The following SLC16A10 variants were observed in gnomAD, a reference collection of about 807,000 sequenced individuals.
SLC16A10 encodes the protein solute carrier family 16 member 10.
Under a neutral mutation model 40.0 loss-of-function variants are expected in SLC16A10, and 27 were observed. The observed-to-expected ratio is 0.67, with a 90% confidence interval of 0.50 to 0.93. The LOEUF (loss-of-function observed/expected upper bound fraction) is 0.93, where lower values mean the gene tolerates loss of function less well. Ranked by LOEUF, SLC16A10 falls within the 40% of genes least tolerant of loss-of-function variation. The pLI is 0.00. For synonymous variants in SLC16A10, 213 were observed against 249.8 expected, an observed-to-expected ratio of 0.85 and a Z score of 1.39; for missense variants, 529 against 658.2, an observed-to-expected ratio of 0.80 and a Z score of 2.15.
At chr6:111,129,590 A>C (rs1771744842) in intron 1 of SLC16A10, among the ~76,000 whole-genome samples, 1 of 152,224 alleles carries the variant, frequency 6.6e-6, no homozygotes, top group Non-Finnish European at 1.5e-5. Flanking sequence ...GTTTAACTCA[A>C]AGTGGTTTTT....
At chr6:111,210,900 G>A (rs1773335998) in intron 4 of SLC16A10, among the ~76,000 whole-genome samples, 1 of 152,072 alleles carries the variant, frequency 6.6e-6, no homozygotes, top group Non-Finnish European at 1.5e-5. Flanking sequence ...GCACGCGTCT[G>A]TAGTCCCAGC....
chr6:111,144,291 C>T (rs1259830898), intron 1 of SLC16A10, among the ~76,000 whole-genome samples: 2 of 152,188 alleles, frequency 1.3e-5, no homozygotes, highest in African/African-American at 2.4e-5. Flanking sequence ...GCAAGCTCTG[C>T]CTCCCGGGTT....
chr6:111,134,557 TAA>T (rs928064491), intron 1 of SLC16A10, among the ~76,000 whole-genome samples: 2 of 137,460 alleles, frequency 1.5e-5, no homozygotes, highest in Admixed American at 7.2e-5. Context: ...ACAAATGGGA[TAA>T]AAAAAAAAAG....
At chr6:111,129,817 A>G (rs1771748601) in intron 1 of SLC16A10, among the ~76,000 whole-genome samples, 2 of 152,224 alleles carry the variant, frequency 1.3e-5, no homozygotes, top group Non-Finnish European at 2.9e-5. Flanking sequence ...TTAAATCTCA[A>G]TGCAGAAGGC....
At chr6:111,173,245 C>T (rs1438233394) in intron 2 of SLC16A10, among the ~76,000 whole-genome samples, 5 of 152,122 alleles carry the variant, frequency 3.3e-5, no homozygotes, top group Non-Finnish European at 7.3e-5. Context: ...AGTAGCTGTT[C>T]ATAGGCTTGA....
chr6:111,152,422 A>G (rs558892571), intron 1 of SLC16A10, among the ~76,000 whole-genome samples: 1 of 152,378 alleles, frequency 6.6e-6, no homozygotes, highest in Admixed American at 6.5e-5. Flanking sequence ...AAGGTGTTGC[A>G]TACAAATTTG....
intron 1 of SLC16A10, among the ~76,000 whole-genome samples, chr6:111,153,412 C>G (rs1337926385): frequency 6.6e-6 from 1 of 151,982 alleles, no homozygotes; most frequent in African/African-American, 2.4e-5. Context: ...GCACGTGCCT[C>G]TAGCCCCAGC....
chr6:111,129,364 A>G (rs1771741371), intron 1 of SLC16A10, among the ~76,000 whole-genome samples: 1 of 152,252 alleles, frequency 6.6e-6, no homozygotes, highest in Admixed American at 6.5e-5. Context: ...TAGGAAAAAC[A>G]AAACAATTTC....
At chr6:111,178,239 T>TA (rs1186897745) in intron 3 of SLC16A10, among the ~76,000 whole-genome samples, 1 of 152,202 alleles carries the variant, frequency 6.6e-6, no homozygotes, top group African/African-American at 2.4e-5. Context: ...AAAGAAACAT[T>TA]ACATCTACTT....
chr6:111,167,979 T>G (rs1772509111), intron 1 of SLC16A10, among the ~76,000 whole-genome samples: 1 of 149,362 alleles, frequency 6.7e-6, no homozygotes, highest in Admixed American at 6.6e-5. Flanking sequence ...CTGGTCTAGT[T>G]TGCACTTTTT....
intron 1 of SLC16A10, among the ~76,000 whole-genome samples, chr6:111,155,783 A>G (rs1219923006): frequency 6.6e-6 from 1 of 152,220 alleles, no homozygotes; most frequent in Non-Finnish European, 1.5e-5. Flanking sequence ...ATAGCTATGC[A>G]TAGATAGGTT....
At chr6:111,188,755 A>G (rs1174904762) in intron 3 of SLC16A10, among the ~76,000 whole-genome samples, 3 of 152,150 alleles carry the variant, frequency 2.0e-5, no homozygotes, top group African/African-American at 7.2e-5. Context: ...TTATTCATTC[A>G]TTCATTCCCT....
At chr6:111,195,140 A>G (rs1773058706) in intron 3 of SLC16A10, among the ~76,000 whole-genome samples, 1 of 152,194 alleles carries the variant, frequency 6.6e-6, no homozygotes, top group Admixed American at 6.5e-5. Context: ...AACTACCTAT[A>G]TACATAATGT....
At chr6:111,174,920 C>A (rs1384303517) in intron 2 of SLC16A10, among the ~76,000 whole-genome samples, 1 of 152,150 alleles carries the variant, frequency 6.6e-6, no homozygotes, top group African/African-American at 2.4e-5. Context: ...TCTTTCTCTA[C>A]CCTCTAAGTG....
chr6:111,140,716 A>G (rs1309513562), intron 1 of SLC16A10, among the ~76,000 whole-genome samples: 2 of 152,236 alleles, frequency 1.3e-5, no homozygotes, highest in Non-Finnish European at 2.9e-5. Context: ...ACAAAATTAG[A>G]AAATGTTTAA....
chr6:111,164,349 G>A lies in SLC16A10; in HGVS notation c.344-8346G>A, dbSNP rs189982261. ...ATTTTTAATTTTAATGTAAAGCCTG[G>A]TAAGTTATTTTAATTATGTGCTACC... On this transcript the variant is annotated intron_variant, in intron 1 of 5. Coordinates refer to ENST00000368851, the MANE Select transcript of SLC16A10 (RefSeq NM_018593.5). Among the ~76,000 whole-genome samples the A allele has an allele frequency of 5.9e-4, 89 of 152,046 alleles. 1 individual carries two copies. The East Asian group carries it at 0.016, about 28-fold the overall frequency.
At chr6:111,115,972 A>G (rs547630250) in intron 1 of SLC16A10, among the ~76,000 whole-genome samples, 10 of 152,246 alleles carry the variant, frequency 6.6e-5, no homozygotes, top group African/African-American at 2.4e-4. Flanking sequence ...TATACCCATG[A>G]AAAAGGAATA....
intron 1 of SLC16A10, among the ~76,000 whole-genome samples, chr6:111,101,722 G>T (rs1194681999): frequency 6.6e-6 from 1 of 152,154 alleles, no homozygotes; most frequent in East Asian, 1.9e-4. Context: ...TCAGGCTGAA[G>T]CCATCCTCCC....
Position 111,219,199 on chromosome 6 carries a change from T to C in SLC16A10, c.1315+157T>C, listed in dbSNP as rs73765938. The stretch of plus-strand genomic sequence containing the variant: ...TTACTGGTAACATTTTTAATAAGAC[T>C]AGCTATTAAACAGTATGTTGAATTT... On this transcript the variant is annotated intron_variant, in intron 5 of 5. Coordinates refer to ENST00000368851, the MANE Select transcript of SLC16A10 (RefSeq NM_018593.5). 1.7e-3 allele frequency among the ~76,000 whole-genome samples: 256 copies of C among 152,294 alleles called. 3 individuals are homozygous for C. The highest frequency in any genetic ancestry group is 5.6e-3 in the African/African-American group (234 of 41,550).
Sources: allele counts gnomAD v4.1 joint callset (sites outside exome capture counted in the v4.1 genomes callset), GRCh38; gene constraint gnomAD v4.1.1; transcripts MANE v1.5; gene names NCBI Gene and HGNC (gene_info 2026-07-23, HGNC 2026-07-21).